Variants in RPS6KA6 observed in about 807,000 individuals in gnomAD.
RPS6KA6 encodes ribosomal protein S6 kinase A6, also known as ribosomal protein S6 kinase alpha-6.
A neutral mutation model predicts 65.4 loss-of-function variants in RPS6KA6; 27 were observed. That is an observed-to-expected ratio of 0.41 (90% confidence interval 0.30 to 0.57). The LOEUF (loss-of-function observed/expected upper bound fraction) is 0.57, where lower values mean the gene tolerates loss of function less well. Ranked by LOEUF, RPS6KA6 falls within the 20% of genes least tolerant of loss-of-function variation. The pLI, the probability that RPS6KA6 is intolerant of heterozygous loss-of-function variation, is 0.24. For missense variants in RPS6KA6, 486 were observed against 555.6 expected, an observed-to-expected ratio of 0.87 and a Z score of 1.26; for synonymous variants, 190 against 184.2, an observed-to-expected ratio of 1.03 and a Z score of -0.26.
intron 20 of RPS6KA6, among the ~76,000 whole-genome samples, chrX:84,093,075 C>G (rs1248307875): frequency 8.9e-6 from 1 of 111,941 alleles, no homozygotes; most frequent in African/African-American, 3.2e-5. Flanking sequence ...AGTGAAACAG[C>G]CAGGCACAGA....
At chrX:84,067,985 A>AT (rs1290282495) in intron 20 of RPS6KA6, among the ~76,000 whole-genome samples, 1 of 111,994 alleles carries the variant, frequency 8.9e-6, no homozygotes, top group Non-Finnish European at 1.9e-5. Flanking sequence ...AAAGAAAAGA[A>AT]TTTTCAACCC....
chrX:84,065,541 G>T (rs1438451723), intron 20 of RPS6KA6, among the ~76,000 whole-genome samples: 3 of 111,581 alleles, frequency 2.7e-5, no homozygotes, highest in African/African-American at 9.8e-5. Flanking sequence ...TTCAATAAAT[G>T]GTGGCTTACT....
intron 5 of RPS6KA6, 125 bp from the exon 6 acceptor site, chrX:84,145,682 A>T: frequency 2.6e-6 from 1 of 385,085 alleles, no homozygotes. Flanking sequence ...AATGGATAAC[A>T]TCTCAAAATT....
rs757609002 is a variant in RPS6KA6 at position 84,102,033 on chromosome X, A to C, written c.1776+4T>G. ...AGGCAAATGGTGAAGTTTTTAAGGA[A>C]TACCTCAGGTGCAACAAAGTTTGCA... On this transcript the variant is annotated splice_donor_region_variant and intron_variant, in intron 18 of 21. Coordinates refer to ENST00000262752, the MANE Select transcript of RPS6KA6 (RefSeq NM_014496.5). 1 of 1,162,912 alleles carries C rather than the reference A, an allele frequency of 8.6e-7. No homozygotes were observed. The highest frequency in any genetic ancestry group is 2.5e-5 in the Admixed American group (1 of 40,238).
intron 20 of RPS6KA6, among the ~76,000 whole-genome samples, chrX:84,082,913 G>A (rs2033834015): frequency 8.9e-6 from 1 of 111,874 alleles, no homozygotes. Context: ...ACTGAAACTG[G>A]ATCCCTTCCT....
chrX:84,119,663 A>G (rs776603057), intron 9 of RPS6KA6, among the ~76,000 whole-genome samples: 1 of 111,507 alleles, frequency 9.0e-6, no homozygotes, highest in Non-Finnish European at 1.9e-5. Flanking sequence ...TATAATAACA[A>G]TGCTGTCATT....
At chrX:84,155,670 A>C (rs2035403933) in intron 3 of RPS6KA6, among the ~76,000 whole-genome samples, 1 of 112,428 alleles carries the variant, frequency 8.9e-6, no homozygotes, top group Admixed American at 9.4e-5. Context: ...ACATGAATTA[A>C]GACATAAATT....
intron 15 of RPS6KA6, 124 bp from the exon 16 acceptor site, chrX:84,106,000 T>C: frequency 2.5e-6 from 1 of 400,976 alleles, no homozygotes; most frequent in East Asian, 4.2e-5. Context: ...ACTTACCTCA[T>C]ATTATTTTAA....
At chrX:84,111,211 C>A (rs2034464290) in intron 12 of RPS6KA6, among the ~76,000 whole-genome samples, 1 of 109,117 alleles carries the variant, frequency 9.2e-6, no homozygotes, top group African/African-American at 3.3e-5. Flanking sequence ...GTAAAGTGAC[C>A]AAACTTGCAA....
intron 3 of RPS6KA6, among the ~76,000 whole-genome samples, chrX:84,153,299 T>C (rs770167998): frequency 1.8e-5 from 2 of 111,897 alleles, no homozygotes; most frequent in South Asian, 7.3e-4. Flanking sequence ...GTATGTTTTA[T>C]ATAAATATTA....
intron 20 of RPS6KA6, among the ~76,000 whole-genome samples, chrX:84,094,957 G>A (rs1161254487): frequency 8.9e-6 from 1 of 112,030 alleles, no homozygotes; most frequent in Non-Finnish European, 1.9e-5. Context: ...ATTACATGGG[G>A]AAATTTTGCA....
At chrX:84,177,767 TACA>T (rs2035793390) in intron 1 of RPS6KA6, among the ~76,000 whole-genome samples, 1 of 112,157 alleles carries the variant, frequency 8.9e-6, no homozygotes, top group Non-Finnish European at 1.9e-5. Context: ...AAAAGGAATA[TACA>T]ACAATTATTT....
intron 3 of RPS6KA6, among the ~76,000 whole-genome samples, chrX:84,151,258 T>C (rs1378424762): frequency 1.8e-4 from 19 of 103,619 alleles, no homozygotes; most frequent in African/African-American, 6.6e-4. Context: ...GATATATATA[T>C]ATACACACAC....
chrX:84,185,260 C>T (rs1454294763), intron 1 of RPS6KA6, among the ~76,000 whole-genome samples: 1 of 111,214 alleles, frequency 9.0e-6, no homozygotes, highest in African/African-American at 3.3e-5. Flanking sequence ...TACCCTATTT[C>T]CCCTCTTCTA....
At chrX:84,184,479 C>T (rs929683985) in intron 1 of RPS6KA6, among the ~76,000 whole-genome samples, 1 of 111,665 alleles carries the variant, frequency 9.0e-6, no homozygotes, top group Non-Finnish European at 1.9e-5. Flanking sequence ...GATGTTTTTT[C>T]TCCAACTTAT....
intron 2 of RPS6KA6, among the ~76,000 whole-genome samples, chrX:84,159,249 C>T (rs2035471694): frequency 1.8e-5 from 2 of 110,387 alleles, no homozygotes; most frequent in Non-Finnish European, 3.8e-5. Flanking sequence ...ATTTCTCAGC[C>T]ATCCCAAGGC....
chrX:84,145,631 A>G (rs967393269), intron 5 of RPS6KA6, 74 bp from the exon 6 acceptor site: 2 of 533,789 alleles, frequency 3.7e-6, no homozygotes, highest in African/African-American at 2.5e-5. Context: ...TTAAATTAAT[A>G]TATGTTTAGA....
At chrX:84,179,590 T>C (rs927695525) in intron 1 of RPS6KA6, among the ~76,000 whole-genome samples, 1 of 111,925 alleles carries the variant, frequency 8.9e-6, no homozygotes, top group African/African-American at 3.2e-5. Context: ...ATGAAGTTGC[T>C]GAATGACCAT....
chrX:84,094,644 C>CA (rs755993825), intron 20 of RPS6KA6, among the ~76,000 whole-genome samples: 5 of 107,441 alleles, frequency 4.7e-5, no homozygotes, highest in East Asian at 5.7e-4. Context: ...GACTCCGTCT[C>CA]AAAAAAAATA....
Sources: gnomAD v4.1 joint callset for allele counts (sites outside exome capture counted in the v4.1 genomes callset) on GRCh38, gnomAD v4.1.1 for gene constraint, MANE v1.5 for transcripts, NCBI Gene and HGNC (gene_info 2026-07-23, HGNC 2026-07-21) for gene names.